Variants in MSH3 observed in about 807,000 individuals in gnomAD.
MSH3 encodes mutS homolog 3.
MSH3 carries 106 observed loss-of-function variants against 123.3 expected under a neutral mutation model. The ratio of observed to expected loss-of-function variants is 0.86; its 90% CI spans 0.73 to 1.01. The LOEUF is 1.01. Among genes scored for constraint, MSH3 ranks in the 50% least tolerant of loss-of-function variants. The pLI is 0.00. For synonymous variants in MSH3, 515 were observed against 481.4 expected (o/e 1.07, Z -0.91); for missense variants, 1,459 against 1,347.6 (o/e 1.08, Z -1.29).
chr5:80,683,850 G>T (rs529105427), intron 8 of MSH3, among the ~76,000 whole-genome samples: 31 of 152,184 alleles, frequency 2.0e-4, no homozygotes, highest in Admixed American at 2.6e-4. Context: ...ATCCATTTTT[G>T]ATTTGATTTT....
At chr5:80,824,356 C>T (rs1303741654) in intron 20 of MSH3, among the ~76,000 whole-genome samples, 6 of 150,846 alleles carry the variant, frequency 4.0e-5, no homozygotes, top group African/African-American at 9.7e-5. Flanking sequence ...GGCGGCTGGC[C>T]GGGTGGGGGC....
At chr5:80,841,784 C>T (rs1472973843) in intron 20 of MSH3, among the ~76,000 whole-genome samples, 1 of 151,978 alleles carries the variant, frequency 6.6e-6, no homozygotes, top group Admixed American at 6.6e-5. Context: ...TGTTTAAGTT[C>T]TTTGTAGATT....
chr5:80,788,970 C>G (rs560793192), intron 18 of MSH3, among the ~76,000 whole-genome samples: 1 of 152,208 alleles, frequency 6.6e-6, no homozygotes, highest in South Asian at 2.1e-4. Flanking sequence ...AGTGTATCCT[C>G]CCAGCTCTGT....
intron 19 of MSH3, among the ~76,000 whole-genome samples, chr5:80,808,630 T>A (rs976879766): frequency 2.0e-5 from 3 of 151,932 alleles, no homozygotes; most frequent in African/African-American, 7.3e-5. Context: ...AAAGAATTGA[T>A]TTTTGTATAT....
chr5:80,675,425 A>G (rs538127484), intron 7 of MSH3, among the ~76,000 whole-genome samples: 1 of 152,184 alleles, frequency 6.6e-6, no homozygotes, highest in Non-Finnish European at 1.5e-5. Context: ...TACAGGAAGC[A>G]TGGCTGAGGA....
At chr5:80,697,690 T>TG (rs1750512795) in intron 8 of MSH3, among the ~76,000 whole-genome samples, 1 of 152,124 alleles carries the variant, frequency 6.6e-6, no homozygotes, top group Admixed American at 6.5e-5. Flanking sequence ...CTAGTATAAG[T>TG]GGGACCATTG....
At chr5:80,758,862 A>G (rs766586455) in intron 12 of MSH3, among the ~76,000 whole-genome samples, 9 of 152,196 alleles carry the variant, frequency 5.9e-5, no homozygotes, top group South Asian at 2.1e-4. Context: ...GCTGTCTTAT[A>G]TGTTCACAGA....
At chr5:80,856,581 T>C (rs905168785) in intron 21 of MSH3, among the ~76,000 whole-genome samples, 1 of 147,600 alleles carries the variant, frequency 6.8e-6, no homozygotes, top group Non-Finnish European at 1.5e-5. Flanking sequence ...GGGATAGCAT[T>C]AGGAGATATA....
chr5:80,846,255 G>T (rs1446357579), intron 20 of MSH3, among the ~76,000 whole-genome samples: 1 of 152,156 alleles, frequency 6.6e-6, no homozygotes, highest in Non-Finnish European at 1.5e-5. Context: ...AAATATTGCT[G>T]CCTGATCCTT....
intron 12 of MSH3, among the ~76,000 whole-genome samples, chr5:80,748,056 G>T (rs1404968285): frequency 6.6e-6 from 1 of 152,154 alleles, no homozygotes; most frequent in Non-Finnish European, 1.5e-5. Flanking sequence ...ACTGCCAAAG[G>T]TTAGTTTAGG....
chr5:80,740,443 C>T (rs1456861899), intron 10 of MSH3, among the ~76,000 whole-genome samples: 7 of 151,734 alleles, frequency 4.6e-5, no homozygotes, highest in African/African-American at 7.3e-5. Context: ...CTGCAACCTC[C>T]GCCTCCCGGG....
intron 13 of MSH3, among the ~76,000 whole-genome samples, chr5:80,765,265 T>C (rs552764235): frequency 5.4e-4 from 83 of 152,328 alleles, no homozygotes; most frequent in African/African-American, 1.9e-3. Context: ...GAGGTTAATA[T>C]TCAAAATTAT....
At chr5:80,778,681 A>C (rs1431311229) in intron 16 of MSH3, 39 bp from the exon 17 acceptor site, 1 of 1,196,276 alleles carries the variant, frequency 8.4e-7, no homozygotes, top group Non-Finnish European at 1.3e-6. Flanking sequence ...ATTTTTTACT[A>C]ACCTTGATTT....
At chr5:80,790,526 T>C (rs1470424336) in intron 18 of MSH3, among the ~76,000 whole-genome samples, 2 of 152,202 alleles carry the variant, frequency 1.3e-5, no homozygotes, top group Non-Finnish European at 2.9e-5. Context: ...AGTATTGTTT[T>C]AACATTGTTT....
At chr5:80,703,047 C>T (rs915866472) in intron 8 of MSH3, among the ~76,000 whole-genome samples, 2 of 152,128 alleles carry the variant, frequency 1.3e-5, no homozygotes, top group African/African-American at 4.8e-5. Flanking sequence ...TAATGAAGTT[C>T]TTATTATGTA....
intron 11 of MSH3, among the ~76,000 whole-genome samples, chr5:80,744,008 G>A (rs1475506606): frequency 6.6e-6 from 1 of 151,876 alleles, no homozygotes; most frequent in South Asian, 2.1e-4. Context: ...ATTTTAAGTG[G>A]CAAAAGCAAA....
At chr5:80,677,693 T>C (rs1427986036) in intron 7 of MSH3, among the ~76,000 whole-genome samples, 1 of 152,222 alleles carries the variant, frequency 6.6e-6, no homozygotes, top group Admixed American at 6.5e-5. Flanking sequence ...TCCTTGCTTT[T>C]AGTTGGAGCT....
chr5:80,819,010 G>A (rs759071507), intron 20 of MSH3, among the ~76,000 whole-genome samples: 9 of 152,078 alleles, frequency 5.9e-5, no homozygotes, highest in Non-Finnish European at 1.2e-4. Context: ...GCATTTTGGG[G>A]TAATACTTCC....
At chr5:80,846,604 C>G (rs1308984923) in intron 20 of MSH3, among the ~76,000 whole-genome samples, 1 of 152,186 alleles carries the variant, frequency 6.6e-6, no homozygotes, top group Admixed American at 6.5e-5. Flanking sequence ...CTGTGAGCTA[C>G]TCAAGCCTCA....
Sources: gnomAD v4.1 joint callset for allele counts (sites outside exome capture counted in the v4.1 genomes callset) on GRCh38, gnomAD v4.1.1 for gene constraint, MANE v1.5 for transcripts, NCBI Gene and HGNC (gene_info 2026-07-23, HGNC 2026-07-21) for gene names.